GPM6A: variants seen among roughly 807,000 people sequenced by gnomAD.
The protein encoded by GPM6A is neuronal membrane glycoprotein M6-a.
GPM6A carries 7 observed loss-of-function variants against 32.1 expected under a neutral mutation model. The observed-to-expected ratio is 0.22, with a 90% CI of 0.12 to 0.41. The LOEUF (loss-of-function observed/expected upper bound fraction) is 0.41. GPM6A is among the 10% of genes least tolerant of loss of function. GPM6A has a pLI of 1.00. For missense variants in GPM6A, 235 were observed against 347.2 expected, an observed-to-expected ratio of 0.68 and a Z score of 2.57; for synonymous variants, 130 against 123.4, an observed-to-expected ratio of 1.05 and a Z score of -0.35.
chr4:175,665,064 C>A (rs1742661072), intron 3 of GPM6A, among the ~76,000 whole-genome samples: 1 of 152,090 alleles, frequency 6.6e-6, no homozygotes, highest in Admixed American at 6.6e-5. Context: ...GTATTGAAAG[C>A]CTACAGGACC....
chr4:175,668,858 T>G (rs919748212), intron 3 of GPM6A, among the ~76,000 whole-genome samples: 1 of 152,146 alleles, frequency 6.6e-6, no homozygotes, highest in African/African-American at 2.4e-5. Flanking sequence ...TAAAAGACCC[T>G]CGTAAACAGA....
At chr4:175,692,000 A>C (rs2111038765) in intron 2 of GPM6A, among the ~76,000 whole-genome samples, 1 of 152,322 alleles carries the variant, frequency 6.6e-6, no homozygotes, top group Non-Finnish European at 1.5e-5. Context: ...CTTCTTCCTG[A>C]GAGCCTCCAG....
intron 4 of GPM6A, among the ~76,000 whole-genome samples, chr4:175,645,442 C>G (rs146358381): frequency 0.013 from 1,974 of 152,122 alleles, 16 homozygotes; most frequent in Middle Eastern, 0.027. Flanking sequence ...AATTGTAGGC[C>G]GGGTGGGGTG....
chr4:175,989,041 T>C (rs1741061448), intron 1 of GPM6A, among the ~76,000 whole-genome samples: 1 of 152,164 alleles, frequency 6.6e-6, no homozygotes, highest in African/African-American at 2.4e-5. Context: ...GAAGATCATA[T>C]TAAAGCTATG....
At chr4:175,997,249 T>C (rs929581150) in intron 1 of GPM6A, among the ~76,000 whole-genome samples, 2 of 152,314 alleles carry the variant, frequency 1.3e-5, no homozygotes, top group Admixed American at 1.3e-4. Context: ...TTTAATCCAC[T>C]AGTTTGGGAG....
rs528060404 is a variant in GPM6A, at chr4:175,893,416, A to G, written c.-22-81167T>C. ...GAAATTTCTAAAACTGATTCCCTTA[A>G]GAACTCCTTAGAAAAGGTAATAAAA... On this transcript the variant is annotated intron_variant, in intron 1 of 7. Coordinates refer to the GPM6A transcript ENST00000280187. 5.9e-5 allele frequency among the ~76,000 whole-genome samples: 9 copies of G among 152,182 alleles called. No homozygotes were observed. The South Asian group carries it at 1.4e-3, about 25-fold the overall frequency.
At chr4:175,820,500 C>CTTTTTTTTTT (rs66569311) in intron 1 of GPM6A, among the ~76,000 whole-genome samples, 84 of 112,090 alleles carry the variant, frequency 7.5e-4, no homozygotes, top group Non-Finnish European at 9.3e-4. Context: ...TCTTTTCTTT[C>CTTTTTTTTTT]TTTTTTTTTT....
At chr4:175,986,352 T>G (rs113744219) in intron 1 of GPM6A, among the ~76,000 whole-genome samples, 7,423 of 150,972 alleles carry the variant, frequency 0.049, 270 homozygotes, top group Non-Finnish European at 0.077. Flanking sequence ...CTGGGCAACA[T>G]AGTGAGACCC....
At chr4:175,796,915 C>T (rs1307174968) in intron 1 of GPM6A, among the ~76,000 whole-genome samples, 1 of 152,112 alleles carries the variant, frequency 6.6e-6, no homozygotes, top group African/African-American at 2.4e-5. Flanking sequence ...TGACCCAAAA[C>T]AGTATTTTCA....
intron 1 of GPM6A, among the ~76,000 whole-genome samples, chr4:175,718,757 T>C (rs1172272771): frequency 6.6e-6 from 1 of 152,170 alleles, no homozygotes; most frequent in Non-Finnish European, 1.5e-5. Flanking sequence ...TGGGATCATC[T>C]ACCAGCACAC....
intron 1 of GPM6A, among the ~76,000 whole-genome samples, chr4:175,821,905 A>G (rs551216634): frequency 6.6e-6 from 1 of 152,158 alleles, no homozygotes; most frequent in Non-Finnish European, 1.5e-5. Flanking sequence ...TAACTGTCCA[A>G]TCTATATATT....
rs557789657 is a variant in GPM6A, at chr4:175,800,100, G to C, written c.37+12091C>G. ...CCTGAGAGTACAATATTTTTAAAAA[G>C]TATATGGATTCCAAAGTGGTTAGGA... is the stretch of plus-strand genomic sequence containing the variant. On this transcript the variant is annotated intron_variant, in intron 1 of 6. Coordinates refer to ENST00000393658, the MANE Select transcript of GPM6A (RefSeq NM_201591.3). Among the ~76,000 whole-genome samples, 3 of 152,176 alleles carry C rather than the reference G, an allele frequency of 2.0e-5. No individual in the cohort carries two copies. In the South Asian group the frequency reaches 6.2e-4, roughly 32 times the overall value.
At chr4:175,652,429 T>TGA (rs1741860925) in intron 3 of GPM6A, among the ~76,000 whole-genome samples, 2 of 152,158 alleles carry the variant, frequency 1.3e-5, no homozygotes, top group African/African-American at 2.4e-5. Context: ...TTTAAGCTAT[T>TGA]TAATCATGTT....
At chr4:175,854,914 A>T (rs1452890541) in intron 1 of GPM6A, among the ~76,000 whole-genome samples, 1 of 152,226 alleles carries the variant, frequency 6.6e-6, no homozygotes, top group Non-Finnish European at 1.5e-5. Context: ...AGCTAGAAAT[A>T]GTAGTGTTTG....
chr4:175,799,823 C>T (rs950357120), intron 1 of GPM6A, among the ~76,000 whole-genome samples: 5 of 150,816 alleles, frequency 3.3e-5, no homozygotes, highest in Non-Finnish European at 7.4e-5. Context: ...TACAGGCGCC[C>T]GCCACCGCGC....
At chr4:175,642,709 GCT>G in intron 4 of GPM6A, among the ~76,000 whole-genome samples, 1 of 151,940 alleles carries the variant, frequency 6.6e-6, no homozygotes, top group Non-Finnish European at 1.5e-5. Flanking sequence ...TTAAGTTGCA[GCT>G]TCCCACCCTT....
At chr4:175,799,651 C>T (rs961474072) in intron 1 of GPM6A, among the ~76,000 whole-genome samples, 14 of 150,904 alleles carry the variant, frequency 9.3e-5, no homozygotes, top group Non-Finnish European at 1.6e-4. Flanking sequence ...ATTTGTCACC[C>T]TAAAAGTAGC....
intron 1 of GPM6A, among the ~76,000 whole-genome samples, chr4:175,981,066 G>A (rs1301633717): frequency 2.6e-5 from 4 of 152,086 alleles, no homozygotes; most frequent in African/African-American, 9.7e-5. Context: ...AGGATTTTAC[G>A]GTTTGAAGCA....
chr4:175,698,543 C>T (rs995725935), intron 2 of GPM6A, among the ~76,000 whole-genome samples: 20 of 152,102 alleles, frequency 1.3e-4, no homozygotes, highest in African/African-American at 4.6e-4. Context: ...TCTACCTCCT[C>T]GAAACCTTTA....
Sources: allele counts gnomAD v4.1 joint callset (sites outside exome capture counted in the v4.1 genomes callset), GRCh38; gene constraint gnomAD v4.1.1; transcripts MANE v1.5; gene names NCBI Gene and HGNC (gene_info 2026-07-23, HGNC 2026-07-21).